The following PRDM16 variants were observed in gnomAD, a reference collection of about 807,000 sequenced individuals.
PRDM16 encodes PR/SET domain 16, also known as histone-lysine N-methyltransferase PRDM16.
Under a neutral mutation model 110.6 loss-of-function variants are expected in PRDM16, and 23 were observed. The observed-to-expected ratio is 0.21, with a 90% CI of 0.15 to 0.29. The LOEUF is 0.29. Ranked by LOEUF, PRDM16 falls within the 10% of genes least tolerant of loss-of-function variation. The pLI is 1.00. For missense variants in PRDM16, 1,615 were observed against 1,794.3 expected (o/e 0.90, Z 1.81); for synonymous variants, 799 against 781.8 (o/e 1.02, Z -0.37).
chr1:3,236,684 A>G (rs1175007382), intron 2 of PRDM16, among the ~76,000 whole-genome samples: 1 of 152,090 alleles, frequency 6.6e-6, no homozygotes, highest in African/African-American at 2.4e-5. Context: ...CTCAGGGTCC[A>G]CTCACCTTGA....
intron 1 of PRDM16, among the ~76,000 whole-genome samples, chr1:3,109,616 G>A (rs572490825): frequency 6.6e-6 from 1 of 152,350 alleles, no homozygotes; most frequent in Admixed American, 6.5e-5. Context: ...AGCCCTTAGG[G>A]CTTTTCATCT....
chr1:3,378,215 C>T (rs564955425), intron 3 of PRDM16, among the ~76,000 whole-genome samples: 2 of 152,316 alleles, frequency 1.3e-5, no homozygotes, highest in South Asian at 2.1e-4. Context: ...TTTCTTCCAC[C>T]GATCCCTGAT....
At chr1:3,089,473 G>A (rs1423931546) in intron 1 of PRDM16, among the ~76,000 whole-genome samples, 1 of 152,264 alleles carries the variant, frequency 6.6e-6, no homozygotes, top group African/African-American at 2.4e-5. Flanking sequence ...GGAAGCGGGT[G>A]GAAACTTCTC....
chr1:3,334,962 CT>C (rs1230840524), intron 3 of PRDM16, among the ~76,000 whole-genome samples: 1 of 152,244 alleles, frequency 6.6e-6, no homozygotes, highest in Non-Finnish European at 1.5e-5. Context: ...TAGGATGTGC[CT>C]GTACGAACAG....
chr1:3,142,097 C>T (rs1452749877), intron 1 of PRDM16, among the ~76,000 whole-genome samples: 2 of 152,246 alleles, frequency 1.3e-5, no homozygotes, highest in Non-Finnish European at 2.9e-5. Flanking sequence ...AAACCAAGCT[C>T]GTGAGAAACG....
At chr1:3,327,482 A>G (rs1281624048) in intron 3 of PRDM16, among the ~76,000 whole-genome samples, 1 of 151,812 alleles carries the variant, frequency 6.6e-6, no homozygotes, top group Non-Finnish European at 1.5e-5. Flanking sequence ...TCCCACGGTC[A>G]GGACCAACAA....
At chr1:3,317,590 G>A (rs1641640994) in intron 3 of PRDM16, among the ~76,000 whole-genome samples, 1 of 152,180 alleles carries the variant, frequency 6.6e-6, no homozygotes, top group African/African-American at 2.4e-5. Flanking sequence ...GCCATCACGT[G>A]GGCCGGATCC....
chr1:3,401,699 G>A (rs570832030), intron 5 of PRDM16, among the ~76,000 whole-genome samples: 6 of 152,232 alleles, frequency 3.9e-5, no homozygotes, highest in East Asian at 1.9e-4. Context: ...CCATGCGCAC[G>A]AACATATATG....
At chr1:3,075,905 G>A (rs1037752864) in intron 1 of PRDM16, among the ~76,000 whole-genome samples, 3 of 152,224 alleles carry the variant, frequency 2.0e-5, no homozygotes, top group Non-Finnish European at 4.4e-5. Context: ...CAGAGGCCAG[G>A]GCGGCAGAAC....
intron 2 of PRDM16, among the ~76,000 whole-genome samples, chr1:3,236,707 C>T (rs1394923516): frequency 6.6e-6 from 1 of 152,248 alleles, no homozygotes; most frequent in African/African-American, 2.4e-5. Flanking sequence ...TTGGCAGGGC[C>T]CATGTGAATC....
intron 1 of PRDM16, among the ~76,000 whole-genome samples, chr1:3,125,782 G>A (rs190370801): frequency 2.0e-5 from 3 of 152,340 alleles, no homozygotes; most frequent in Non-Finnish European, 2.9e-5. Context: ...CTGGCCCCTC[G>A]GAGCGGAGCG....
intron 2 of PRDM16, among the ~76,000 whole-genome samples, chr1:3,205,355 A>T (rs779851464): frequency 3.7e-4 from 57 of 152,046 alleles, no homozygotes; most frequent in Non-Finnish European, 2.4e-4. Flanking sequence ...CTCCACTTAC[A>T]CCCGGGAAAA....
At chr1:3,416,899 A>G (rs2068354) in intron 10 of PRDM16, among the ~76,000 whole-genome samples, 34,553 of 152,204 alleles carry the variant, frequency 0.23, 4,097 homozygotes, top group East Asian at 0.32. Flanking sequence ...CCTGGCACAC[A>G]GCAGATATCA....
chr1:3,224,852 A>G (rs1464634190), intron 2 of PRDM16, among the ~76,000 whole-genome samples: 1 of 152,224 alleles, frequency 6.6e-6, no homozygotes, highest in African/African-American at 2.4e-5. Context: ...GGGAAGGACT[A>G]TGCAATCTCG....
intron 1 of PRDM16, among the ~76,000 whole-genome samples, chr1:3,119,820 G>A (rs768836256): frequency 2.0e-5 from 3 of 152,194 alleles, no homozygotes; most frequent in Non-Finnish European, 2.9e-5. Flanking sequence ...CCCCTGTCAC[G>A]CCGGATTGTC....
chr1:3,417,388 T>G (rs1021257963), intron 10 of PRDM16, among the ~76,000 whole-genome samples: 26 of 152,226 alleles, frequency 1.7e-4, no homozygotes, highest in Admixed American at 1.7e-3. Context: ...AAAATAAACT[T>G]TTTAATGTTA....
chr1:3,296,762 C>T (rs959728712), intron 3 of PRDM16, among the ~76,000 whole-genome samples: 11 of 152,204 alleles, frequency 7.2e-5, no homozygotes, highest in African/African-American at 2.7e-4. Flanking sequence ...AGAATCTTTT[C>T]GTGGAACTCT....
At chr1:3,284,133 G>T (rs538648930) in intron 3 of PRDM16, among the ~76,000 whole-genome samples, 1 of 152,116 alleles carries the variant, frequency 6.6e-6, no homozygotes, top group African/African-American at 2.4e-5. Flanking sequence ...TAGCCCGCCC[G>T]GGAAGCTGGG....
chr1:3,138,607 G>A (rs116593856), intron 1 of PRDM16, among the ~76,000 whole-genome samples: 1,772 of 152,326 alleles, frequency 0.012, 16 homozygotes, highest in Non-Finnish European at 0.018. Flanking sequence ...TGGCTGGAAG[G>A]CAACTGAGGG....
Sources: allele counts gnomAD v4.1 joint callset (sites outside exome capture counted in the v4.1 genomes callset), GRCh38; gene constraint gnomAD v4.1.1; transcripts MANE v1.5; gene names NCBI Gene and HGNC (gene_info 2026-07-23, HGNC 2026-07-21).